Variants in UBE2G1 observed in about 807,000 individuals in gnomAD.
UBE2G1 encodes the protein ubiquitin conjugating enzyme E2 G1.
A neutral mutation model predicts 22.7 loss-of-function variants in UBE2G1; 5 were observed. The observed-to-expected ratio is 0.22, with a 90% CI of 0.12 to 0.46. The LOEUF is 0.46. UBE2G1 is among the 20% of genes least tolerant of loss of function. The pLI, the probability that UBE2G1 is intolerant of heterozygous loss-of-function variation, is 0.99. For missense variants in UBE2G1, 88 were observed against 203.9 expected (o/e 0.43, Z 3.46); for synonymous variants, 74 against 67.5 (o/e 1.10, Z -0.47).
At chr17:4,280,037 C>CT (rs770757443) in intron 5 of UBE2G1, among the ~76,000 whole-genome samples, 1,606 of 139,922 alleles carry the variant, frequency 0.011, 16 homozygotes, top group African/African-American at 0.026. Flanking sequence ...GATAGATAGA[C>CT]TTTTTTTTTT....
chr17:4,322,672 A>C (rs936903112), intron 1 of UBE2G1, among the ~76,000 whole-genome samples: 1 of 152,204 alleles, frequency 6.6e-6, no homozygotes, highest in African/African-American at 2.4e-5. Flanking sequence ...ACAAACACTG[A>C]AAGAAAAAAT....
intron 1 of UBE2G1, among the ~76,000 whole-genome samples, chr17:4,320,625 T>A (rs1969426379): frequency 6.6e-6 from 1 of 152,238 alleles, no homozygotes; most frequent in African/African-American, 2.4e-5. Context: ...GTACTTTGAT[T>A]TTTTAAATTA....
intron 2 of UBE2G1, among the ~76,000 whole-genome samples, chr17:4,298,738 AAAAAATT>A (rs1969139552): frequency 6.6e-6 from 1 of 152,226 alleles, no homozygotes; most frequent in Non-Finnish European, 1.5e-5. Context: ...CAATTTATAC[AAAAAATT>A]TAACAGTTGA....
At chr17:4,316,568 G>C (rs1051272511) in intron 1 of UBE2G1, among the ~76,000 whole-genome samples, 4 of 152,230 alleles carry the variant, frequency 2.6e-5, no homozygotes, top group African/African-American at 9.6e-5. Context: ...TTCCTCTTTA[G>C]ATTTCAAGAT....
chr17:4,360,114 T>G (rs781634140), intron 1 of UBE2G1, among the ~76,000 whole-genome samples: 1 of 152,196 alleles, frequency 6.6e-6, no homozygotes, highest in East Asian at 1.9e-4. Flanking sequence ...AACTACACTA[T>G]GTTTACCTTG....
chr17:4,348,722 A>T (rs1969810018), intron 1 of UBE2G1, among the ~76,000 whole-genome samples: 1 of 148,762 alleles, frequency 6.7e-6, no homozygotes, highest in Admixed American at 6.7e-5. Context: ...TTAACTAGGC[A>T]TGGTGGCATG....
chr17:4,362,559 T>G (rs1252530464), intron 1 of UBE2G1, among the ~76,000 whole-genome samples: 2 of 152,208 alleles, frequency 1.3e-5, no homozygotes, highest in Non-Finnish European at 2.9e-5. Context: ...TGTTCAATTC[T>G]GAAAGTAACC....
chr17:4,330,844 T>C (rs1969566792), intron 1 of UBE2G1, among the ~76,000 whole-genome samples: 1 of 151,908 alleles, frequency 6.6e-6, no homozygotes, highest in Non-Finnish European at 1.5e-5. Flanking sequence ...TCTACCCACC[T>C]TGGCCTCCCA....
intron 5 of UBE2G1, among the ~76,000 whole-genome samples, chr17:4,274,927 T>TGTAGTCCCAGCTACTTGAGAGGCTGAG (rs61291097): frequency 1.3e-5 from 2 of 151,810 alleles, no homozygotes; most frequent in African/African-American, 4.8e-5. Flanking sequence ...GGCACATGCC[T>TGTAGTCCCAGCTACTTGAGAGGCTGAG]GTGGGAGGAC....
chr17:4,272,899 A>G (rs1968777357), intron 5 of UBE2G1, among the ~76,000 whole-genome samples: 2 of 152,258 alleles, frequency 1.3e-5, no homozygotes, highest in Non-Finnish European at 2.9e-5. Context: ...TATTAAATCT[A>G]GAATCCATAA....
At position 4,364,809 on chromosome 17, in the gene UBE2G1, T is replaced by TGGA. The variant is rs1970013880; in HGVS notation, c.46+1461_46+1462insTCC. On this transcript the variant is annotated intron_variant, in intron 1 of 5. Coordinates refer to ENST00000396981, the MANE Select transcript of UBE2G1 (RefSeq NM_003342.5). ...TTTGGCCAGGCTGGCCCTGAACTCC[T>TGGA]GTCCTAAGGTGATCCGCCAGCCTCG... Among the ~76,000 whole-genome samples the TGGA allele has an allele frequency of 2.7e-5, 4 of 145,996 alleles. No homozygotes were observed. The South Asian group carries it at 8.8e-4, about 32-fold the overall frequency.
rs1970039144 is a variant in UBE2G1 at position 4,366,586 on chromosome 17, T to C, written c.-270A>G. On this transcript the variant is annotated 5_prime_UTR_variant, in exon 1 of 6. Transcript: ENST00000396981. ...CTGGGACTTCGCTCGCCCGCTTCCC[T>C]CCTTCAACCCGCCCGTCGGCCCCAC... The C allele has an allele frequency of 2.7e-6, 1 of 364,404 alleles. No individual in the cohort carries two copies. Among genetic ancestry groups the C allele is most frequent in the Non-Finnish European group, 4.9e-6 (1 of 202,098 alleles). The allele number at this position is 364,404 out of a possible 1,614,324, so 22.6% of individuals were successfully genotyped here.
At chr17:4,330,879 G>A (rs1463966769) in intron 1 of UBE2G1, among the ~76,000 whole-genome samples, 1 of 151,650 alleles carries the variant, frequency 6.6e-6, no homozygotes, top group Non-Finnish European at 1.5e-5. Context: ...CAGGCATGAT[G>A]AGCCACTGTG....
chr17:4,366,023 C>T (rs532560019), intron 1 of UBE2G1, among the ~76,000 whole-genome samples: 329 of 152,162 alleles, frequency 2.2e-3, no homozygotes, highest in African/African-American at 7.5e-3. Flanking sequence ...GGACCTCCTC[C>T]TCTCCGACCC....
At chr17:4,309,347 G>A (rs1823400889) in intron 1 of UBE2G1, among the ~76,000 whole-genome samples, 1 of 152,140 alleles carries the variant, frequency 6.6e-6, no homozygotes, top group Non-Finnish European at 1.5e-5. Flanking sequence ...TAACATTTTT[G>A]CATAACAGGC....
chr17:4,276,212 A>G (rs1968819670), intron 5 of UBE2G1, among the ~76,000 whole-genome samples: 1 of 151,840 alleles, frequency 6.6e-6, no homozygotes, highest in African/African-American at 2.4e-5. Flanking sequence ...TTTTTTGGAG[A>G]CAGAGTTACC....
At chr17:4,301,734 T>C (rs1027649491) in intron 2 of UBE2G1, 3 of 655,944 alleles carry the variant, frequency 4.6e-6, no homozygotes, top group Admixed American at 3.7e-5. Context: ...TTTGGATTGG[T>C]GGGGAGTGCT....
chr17:4,313,854 G>C (rs1275506856), intron 1 of UBE2G1, among the ~76,000 whole-genome samples: 1 of 152,142 alleles, frequency 6.6e-6, no homozygotes, highest in Non-Finnish European at 1.5e-5. Context: ...ATCACTGTGG[G>C]CCAGAGTGGT....
rs371232699 is a variant in UBE2G1, at chr17:4,289,221, C to T, written c.426+9G>A. The T allele has an allele frequency of 2.0e-6, 3 of 1,521,860 alleles. No individual in the cohort carries two copies. Among genetic ancestry groups the T allele is most frequent in the Admixed American group, 4.4e-5 (2 of 44,952 alleles). 94.3% of individuals were successfully genotyped at this position (1,521,860 alleles called of 1,614,324 possible). A position where few individuals can be genotyped will look rare whatever the true frequency, so the allele number is the denominator to read the frequency against. ...AGTGAAGGGAAGGGAAGACGTGTGA[C>T]CACCTTACCGCAGCATCAACATTAG... is the stretch of plus-strand genomic sequence containing the variant. On this transcript the variant is annotated intron_variant, in intron 4 of 5. Coordinates refer to ENST00000396981, the MANE Select transcript of UBE2G1 (RefSeq NM_003342.5).
Sources: allele counts gnomAD v4.1 joint callset (sites outside exome capture counted in the v4.1 genomes callset), GRCh38; gene constraint gnomAD v4.1.1; transcripts MANE v1.5; gene names NCBI Gene and HGNC (gene_info 2026-07-23, HGNC 2026-07-21).